Variants in TANC1 observed in about 807,000 individuals in gnomAD.
The protein encoded by TANC1 is protein TANC1.
TANC1 carries 77 observed loss-of-function variants against 149.7 expected under a neutral mutation model. The observed-to-expected ratio is 0.51, with a 90% CI of 0.43 to 0.62. The LOEUF (loss-of-function observed/expected upper bound fraction) is 0.62. Ranked by LOEUF, TANC1 falls within the 20% of genes least tolerant of loss-of-function variation. The pLI is 0.00. For synonymous variants in TANC1, 854 were observed against 925.0 expected, an observed-to-expected ratio of 0.92 and a Z score of 1.39; for missense variants, 1,985 against 2,321.8, an observed-to-expected ratio of 0.85 and a Z score of 2.98.
chr2:159,044,323 A>G (rs534583138), intron 2 of TANC1, among the ~76,000 whole-genome samples: 7 of 152,092 alleles, frequency 4.6e-5, no homozygotes, highest in African/African-American at 1.2e-4. Context: ...TGTAGTCCCA[A>G]GCTACTCGGG....
chr2:159,022,115 T>A (rs2038877512), intron 2 of TANC1, among the ~76,000 whole-genome samples: 1 of 152,204 alleles, frequency 6.6e-6, no homozygotes, highest in African/African-American at 2.4e-5. Flanking sequence ...CAACAACCTT[T>A]GGTGGTATTC....
intron 3 of TANC1, among the ~76,000 whole-genome samples, chr2:159,096,647 TCTGA>T (rs1485680794): frequency 6.6e-6 from 1 of 152,224 alleles, no homozygotes; most frequent in Non-Finnish European, 1.5e-5. Flanking sequence ...CTAAGCTAGT[TCTGA>T]CTGACTGTTT....
intron 19 of TANC1, among the ~76,000 whole-genome samples, chr2:159,210,759 G>C (rs1575281046): frequency 6.6e-6 from 1 of 152,156 alleles, no homozygotes; most frequent in East Asian, 1.9e-4. Flanking sequence ...ATAGAGACAG[G>C]GTTTCACCAT....
intron 1 of TANC1, among the ~76,000 whole-genome samples, chr2:158,979,685 G>A (rs543433607): frequency 6.6e-6 from 1 of 152,084 alleles, no homozygotes; most frequent in Non-Finnish European, 1.5e-5. Flanking sequence ...TGAGTCTTTG[G>A]AAAGGGTTAG....
rs190651116 is a variant in TANC1, at chr2:159,097,846, A to G, written c.259+12A>G. ...CAAAAAATCCCCAGGTAAACAGGCAATGAAGGAGCTGCCTTGGTTATATAT... is the reference window on the plus strand; with the variant it reads ...CAAAAAATCCCCAGGTAAACAGGCAGTGAAGGAGCTGCCTTGGTTATATAT... On this transcript the variant is annotated intron_variant, in intron 4 of 26. Coordinates refer to ENST00000263635, the MANE Select transcript of TANC1 (RefSeq NM_033394.3). 7.8e-5 allele frequency: 125 copies of G among 1,608,408 alleles called. No individual in the cohort carries two copies. In the East Asian group the frequency reaches 2.5e-3, roughly 33 times the overall value.
chr2:159,108,608 T>G (rs879279811), intron 4 of TANC1, among the ~76,000 whole-genome samples: 1 of 152,178 alleles, frequency 6.6e-6, no homozygotes, highest in Non-Finnish European at 1.5e-5. Context: ...TAATGAGCAC[T>G]AGTGTAAAGC....
chr2:159,067,438 C>A (rs983004654), intron 3 of TANC1, among the ~76,000 whole-genome samples: 4 of 152,162 alleles, frequency 2.6e-5, no homozygotes, highest in Non-Finnish European at 5.9e-5. Context: ...AGAAAATCAA[C>A]CCCTGGCTTT....
intron 4 of TANC1, among the ~76,000 whole-genome samples, chr2:159,116,555 A>G (rs2048287169): frequency 6.6e-6 from 1 of 152,196 alleles, no homozygotes; most frequent in Admixed American, 6.5e-5. Flanking sequence ...CCAGATAGTA[A>G]ATATCTCAGG....
chr2:159,229,625 G>T lies in TANC1; in HGVS notation c.4199G>T (p.Cys1400Phe). The part of the protein sequence containing the change: ...LADLQEAVKL[C>F]PTNQEVKRLL... Reference sequence around the variant, plus strand: ...GACCTGCAAGAGGCTGTGAAACTCTGTCCCACCAATCAGGAAGTCAAGAGG... The same window carrying T: ...GACCTGCAAGAGGCTGTGAAACTCTTTCCCACCAATCAGGAAGTCAAGAGG... The change falls in exon 27 of 27, where the codon TGT becomes TTT. Residue 1400 changes from cysteine (C) to phenylalanine (F), a missense_variant. Coordinates refer to ENST00000263635, the MANE Select transcript of TANC1 (RefSeq NM_033394.3). 2.3e-5 allele frequency: 37 copies of T among 1,613,876 alleles called. No homozygotes were observed. Among genetic ancestry groups the T allele is most frequent in the Non-Finnish European group, 3.0e-5 (35 of 1,179,938 alleles).
intron 2 of TANC1, among the ~76,000 whole-genome samples, chr2:159,036,591 T>C (rs2149503392): frequency 6.6e-6 from 1 of 152,208 alleles, no homozygotes; most frequent in South Asian, 2.1e-4. Context: ...TTCCCGCCTA[T>C]GAGTGAGAAC....
chr2:159,080,870 G>A (rs2044202797), intron 3 of TANC1, among the ~76,000 whole-genome samples: 2 of 152,194 alleles, frequency 1.3e-5, no homozygotes, highest in Non-Finnish European at 2.9e-5. Flanking sequence ...CCAGCCAGAC[G>A]GCCTCCCAAC....
intron 22 of TANC1, among the ~76,000 whole-genome samples, chr2:159,220,511 C>T (rs1287509787): frequency 1.3e-5 from 2 of 151,816 alleles, no homozygotes; most frequent in East Asian, 3.9e-4. Context: ...ACCATGTTGG[C>T]CAGGCTGGTC....
At chr2:159,040,408 GATT>G (rs1242743496) in intron 2 of TANC1, among the ~76,000 whole-genome samples, 2 of 152,168 alleles carry the variant, frequency 1.3e-5, no homozygotes, top group Non-Finnish European at 2.9e-5. Context: ...ATCAAATGTA[GATT>G]TGGTCTTTTC....
chr2:159,100,050 A>G (rs913478087), intron 4 of TANC1, among the ~76,000 whole-genome samples: 2 of 152,182 alleles, frequency 1.3e-5, no homozygotes, highest in Admixed American at 6.5e-5. Context: ...CCTCATCTCT[A>G]TATAATAGAT....
chr2:159,000,702 A>G (rs998278544), intron 1 of TANC1, among the ~76,000 whole-genome samples: 6 of 152,032 alleles, frequency 3.9e-5, no homozygotes, highest in African/African-American at 1.4e-4. Context: ...ATCCGAGAGC[A>G]AGGACCTCAG....
chr2:159,205,742 T>C (rs564616929), intron 19 of TANC1, among the ~76,000 whole-genome samples: 1 of 152,372 alleles, frequency 6.6e-6, no homozygotes, highest in East Asian at 1.9e-4. Context: ...ATCCCTGTCA[T>C]TGATGATGTG....
intron 3 of TANC1, among the ~76,000 whole-genome samples, chr2:159,071,020 A>G (rs1198434656): frequency 6.6e-6 from 1 of 151,730 alleles, no homozygotes; most frequent in East Asian, 1.9e-4. Flanking sequence ...AACCCTGGAG[A>G]TTTTGTCCTT....
At chr2:159,127,719 G>T (rs948904317) in intron 4 of TANC1, among the ~76,000 whole-genome samples, 14 of 152,248 alleles carry the variant, frequency 9.2e-5, no homozygotes, top group Non-Finnish European at 2.1e-4. Flanking sequence ...CAGGGCACGG[G>T]GGGAGGGAGA....
chr2:159,174,466 C>G (rs1345725899), intron 11 of TANC1, among the ~76,000 whole-genome samples: 1 of 151,696 alleles, frequency 6.6e-6, no homozygotes, highest in Non-Finnish European at 1.5e-5. Flanking sequence ...ACCCTCCTGA[C>G]CAGGAGAAGG....
Sources: gnomAD v4.1 joint callset for allele counts (sites outside exome capture counted in the v4.1 genomes callset) on GRCh38, gnomAD v4.1.1 for gene constraint, MANE v1.5 for transcripts, NCBI Gene and HGNC (gene_info 2026-07-23, HGNC 2026-07-21) for gene names.